Variants in HNRNPU observed in about 807,000 individuals in gnomAD.
HNRNPU encodes heterogeneous nuclear ribonucleoprotein U, also known as HNRNPU antisense RNA 1.
In HNRNPU, 5 loss-of-function variants were observed where a neutral mutation model predicts 94.7. The observed-to-expected ratio is 0.05, with a 90% confidence interval of 0.03 to 0.11. The LOEUF (loss-of-function observed/expected upper bound fraction) is 0.11. Among genes scored for constraint, HNRNPU ranks in the 10% least tolerant of loss-of-function variants. The pLI is 1.00. For synonymous variants in HNRNPU, 434 were observed against 381.6 expected (o/e 1.14, Z -1.60); for missense variants, 710 against 1,049.2 (o/e 0.68, Z 4.47).
At position 244,863,949 on chromosome 1, in the gene HNRNPU, G is replaced by A; in HGVS notation, c.359C>T (p.Pro120Leu). Residue 120 changes from proline (P) to leucine (L), a missense_variant, in exon 1 of 14, where the codon CCG becomes CTG. By Grantham distance (98) the Pro-to-Leu change is moderately conservative. Transcript: ENST00000640218. ...NGAAGAADSGPMEEEEAASED... is the reference protein window; with the variant it reads ...NGAAGAADSGLMEEEEAASED... ...CGAGGCGGCCTCCTCCTCCTCCATC[G>A]GGCCCGAGTCGGCCGCCCCCGCGGC... is the stretch of plus-strand genomic sequence containing the variant. The A allele has an allele frequency of 6.2e-7, 1 of 1,613,622 alleles. No individual in the cohort carries two copies. The highest frequency in any genetic ancestry group is 8.5e-7 in the Non-Finnish European group (1 of 1,179,884).
Position 244,863,814 on chromosome 1 carries a change from G to A in HNRNPU, c.494C>T (p.Pro165Leu). ...GGGCTGTTGCTGCTGCGTCGCCGGC[G>A]GTTGAGGCTGCTGCTCCCCGTGCCC... Reference protein sequence around the residue: ...ENGHGEQQPQPPATQQQQPQQ... With the variant: ...ENGHGEQQPQLPATQQQQPQQ... Residue 165 changes from proline (P) to leucine (L), a missense_variant, in exon 1 of 14, where the codon CCG (proline) becomes CTG (leucine). Pro to Leu is a moderately conservative substitution (Grantham distance 98). Transcript: ENST00000640218. 4 of 1,607,932 alleles carry A rather than the reference G, an allele frequency of 2.5e-6. No homozygotes were observed. The highest frequency in any genetic ancestry group is 2.2e-5 in the South Asian group (2 of 90,740).
rs1433035752 is a variant in HNRNPU, at chr1:244,855,511, A to G, written c.2265T>C (p.Arg755=). ...GSGGIGYPYP[R]APVFPGRGSY... Reference sequence around the variant, plus strand: ...TACCACGGCCAGGAAAAACAGGGGCACGAGGGTATGGATAGCCGATTCCAC... The same window carrying G: ...TACCACGGCCAGGAAAAACAGGGGCGCGAGGGTATGGATAGCCGATTCCAC... The change falls in exon 12 of 14, where the codon CGT becomes CGC. Residue 755 remains arginine (R), a synonymous_variant. Transcript: ENST00000640218. 6.2e-7 allele frequency: 1 copy of G among 1,614,074 alleles called. No individual in the cohort carries two copies. The highest frequency in any genetic ancestry group is 2.2e-5 in the East Asian group (1 of 44,876).
At chr1:244,857,385 T>TACAGGAACCCACTACCACACCC (rs1313992038) in intron 8 of HNRNPU, 28 of 465,090 alleles carry the variant, frequency 6.0e-5, no homozygotes, top group African/African-American at 4.7e-4. Context: ...CAGCTGGGAT[T>TACAGGAACCCACTACCACACCC]ACAGGAACCC....
chr1:244,860,024 G>A (rs1680784614), intron 4 of HNRNPU: 1 of 258,656 alleles, frequency 3.9e-6, no homozygotes, highest in Non-Finnish European at 7.2e-6. Flanking sequence ...AAAAAGGCTG[G>A]GCACAGTGGC....
Position 244,859,390 on chromosome 1 carries a change from T to C in HNRNPU, c.1018-16A>G, listed in dbSNP as rs765210695. 3 of 1,211,654 alleles carry C rather than the reference T, an allele frequency of 2.5e-6. No homozygotes were observed. The highest frequency in any genetic ancestry group is 3.4e-5 in the Admixed American group (2 of 59,194). 75.1% of individuals were successfully genotyped at this position (1,211,654 alleles called of 1,614,324 possible). The stretch of plus-strand genomic sequence containing the variant: ...TCTCTGTAACCTGAAAGTCAAATCA[T>C]TAAATAATTAAAATAATACACCAAG... On this transcript the variant is annotated splice_polypyrimidine_tract_variant and intron_variant, in intron 4 of 13. Coordinates refer to ENST00000640218, the MANE Select transcript of HNRNPU (RefSeq NM_031844.3).
intron 3 of HNRNPU, chr1:244,861,805 TCTCA>T (rs949637425): frequency 1.3e-5 from 2 of 151,538 alleles, no homozygotes; most frequent in Admixed American, 1.3e-4. Context: ...TGCAATACTT[TCTCA>T]CTCAATTGCA....
rs369125683 is a variant in HNRNPU, at chr1:244,857,653, T to C, written c.1559A>G (p.Glu520Gly). The C allele has an allele frequency of 2.5e-6, 4 of 1,613,518 alleles. No homozygotes were observed. Among genetic ancestry groups the C allele is most frequent in the Non-Finnish European group, 3.4e-6 (4 of 1,179,494 alleles). ...AAGAATGTTATATTTCCCTGGATTT[T>C]CTGCTGCATGTTTAGTAACCCAGGT... Reference protein sequence around the residue: ...KTTWVTKHAAENPGKYNILGT... With the variant: ...KTTWVTKHAAGNPGKYNILGT... Residue 520 changes from glutamate to glycine, a missense_variant, in exon 8 of 14, where the codon GAA becomes GGA. Physicochemically the swap from Glu to Gly is moderately conservative, Grantham distance 98 (BLOSUM62 -2). Around this residue, in one of 8 missense-constraint regions of HNRNPU, gnomAD observed 150 missense variants for 187.9 expected, o/e 0.80. Transcript: ENST00000640218.
rs1680929210 is a variant in HNRNPU at position 244,863,948 on chromosome 1, C to A, written c.360G>T (p.Pro120=). 3.1e-6 allele frequency: 5 copies of A among 1,613,584 alleles called. No individual in the cohort carries two copies. Among genetic ancestry groups the A allele is most frequent in the Non-Finnish European group, 4.2e-6 (5 of 1,179,922 alleles). ...NGAAGAADSG[P]MEEEEAASED... ...CCGAGGCGGCCTCCTCCTCCTCCAT[C>A]GGGCCCGAGTCGGCCGCCCCCGCGG... The change falls in exon 1 of 14, where the codon CCG becomes CCT. Residue 120 remains proline (P), a synonymous_variant. Coordinates refer to ENST00000640218, the MANE Select transcript of HNRNPU (RefSeq NM_031844.3).
Position 244,862,833 on chromosome 1 carries a change from C to T in HNRNPU, c.692-103G>A. Reference sequence around the variant, plus strand: ...AGCTCGACTTTATCCTGCTTTTTAACTGAGGTTTTAACCGAGGACTCAAAT... The same window carrying T: ...AGCTCGACTTTATCCTGCTTTTTAATTGAGGTTTTAACCGAGGACTCAAAT... On this transcript the variant is annotated intron_variant, in intron 1 of 13. Coordinates refer to ENST00000640218, the MANE Select transcript of HNRNPU (RefSeq NM_031844.3). 4 of 806,458 alleles carry T rather than the reference C, an allele frequency of 5.0e-6. No homozygotes were observed. The South Asian group carries it at 5.7e-5, about 12-fold the overall frequency. 50.0% of individuals were successfully genotyped at this position (806,458 alleles called of 1,614,324 possible). A position where few individuals can be genotyped will look rare whatever the true frequency, so the allele number is the denominator to read the frequency against.
chr1:244,859,747 G>C (rs1416301849), intron 4 of HNRNPU: 4 of 161,804 alleles, frequency 2.5e-5, no homozygotes, highest in African/African-American at 9.6e-5. Context: ...TAAAAATGAA[G>C]TACCCTAAAT....
Position 244,853,601 on chromosome 1 carries a change from T to A in HNRNPU, c.*849A>T, listed in dbSNP as rs1680602986. On this transcript the variant is annotated 3_prime_UTR_variant, in exon 14 of 14. Coordinates refer to ENST00000640218, the MANE Select transcript of HNRNPU (RefSeq NM_031844.3). ...AGCACACTAGTTATACAGTATTTTG[T>A]GGGAGAAGGGCATACAGACATGGCT... 2 of 152,572 alleles carry A rather than the reference T, an allele frequency of 1.3e-5. No homozygotes were observed. The highest frequency in any genetic ancestry group is 4.1e-4 in the South Asian group (2 of 4,832). 9.5% of individuals were successfully genotyped at this position (152,572 alleles called of 1,614,324 possible).
At chr1:244,856,421 A>G (rs757978913) in intron 10 of HNRNPU, 36 bp downstream of exon 10, 3 of 1,570,376 alleles carry the variant, frequency 1.9e-6, no homozygotes, top group Non-Finnish European at 1.7e-6. Context: ...TTTTAAAAAG[A>G]AGATTTCACA....
chr1:244,860,525 TCTG>T, intron 3 of HNRNPU, 51 bp from the exon 4 acceptor site: 1 of 1,460,102 alleles, frequency 6.8e-7, no homozygotes, highest in Non-Finnish European at 9.5e-7. Context: ...TGTAAACATA[TCTG>T]CTATGTAGAC....
Position 244,864,402 on chromosome 1 carries a change from G to A in HNRNPU, c.-95C>T, listed in dbSNP as rs1002314193. 3.2e-6 allele frequency: 5 copies of A among 1,571,496 alleles called. No individual in the cohort carries two copies. In the African/African-American group the frequency reaches 6.9e-5, roughly 22 times the overall value. On this transcript the variant is annotated 5_prime_UTR_variant, in exon 1 of 14. Coordinates refer to ENST00000640218, the MANE Select transcript of HNRNPU (RefSeq NM_031844.3). ...GCTGCTGCGGCTGCTCCTCGGCCCGGGCGGCGGCTGCGGCTGCGGCTGGAG... is the reference window on the plus strand; with the variant it reads ...GCTGCTGCGGCTGCTCCTCGGCCCGAGCGGCGGCTGCGGCTGCGGCTGGAG...
rs1680550424 is a variant in HNRNPU, at chr1:244,851,602, G to A, written c.*2848C>T. ...TAAAATACCTTGTTGCTAGTGCTCA[G>A]AACATCTAGGTTCAGTCTTTATTTT... On this transcript the variant is annotated 3_prime_UTR_variant, in exon 14 of 14. Transcript: ENST00000640218. The A allele has an allele frequency of 2.6e-5, 4 of 152,146 alleles. No homozygotes were observed. In the South Asian group the frequency reaches 8.3e-4, roughly 31 times the overall value. The allele number at this position is 152,146 out of a possible 1,614,324, so 9.4% of individuals were successfully genotyped here. A position where few individuals can be genotyped will look rare whatever the true frequency, so the allele number is the denominator to read the frequency against.
intron 3 of HNRNPU, chr1:244,861,353 A>C (rs1267213833): frequency 2.0e-5 from 3 of 152,228 alleles, no homozygotes; most frequent in Non-Finnish European, 4.4e-5. Flanking sequence ...AAAATCTAAC[A>C]ATTACATTAC....
intron 6 of HNRNPU, 92 bp downstream of exon 6, chr1:244,858,637 A>G (rs1680743201): frequency 5.6e-6 from 4 of 713,654 alleles, no homozygotes; most frequent in Admixed American, 2.7e-5. Flanking sequence ...TGTTGCTCAT[A>G]TTGAAAACTG....
chr1:244,856,805 A>G lies in HNRNPU; in HGVS notation c.1666T>C (p.Leu556=). The G allele has an allele frequency of 6.2e-7, 1 of 1,611,174 alleles. No individual in the cohort carries two copies. ...MADTGKLNTL[L]QRAPQCLGKF... ...CCAAGACACTGGGGGGCTCTCTGCA[A>G]CAGTGTGTTCAGTTTTCCAGTATCT... Residue 556 remains leucine (L), a synonymous_variant, in exon 9 of 14, where the codon TTG becomes CTG. Coordinates refer to ENST00000640218, the MANE Select transcript of HNRNPU (RefSeq NM_031844.3).
chr1:244,852,135 T>C lies in HNRNPU; in HGVS notation c.*2315A>G, dbSNP rs981720426. The C allele has an allele frequency of 6.6e-6, 1 of 152,206 alleles. No homozygotes were observed. Among genetic ancestry groups the C allele is most frequent in the African/African-American group, 2.4e-5 (1 of 41,460 alleles). 9.4% of individuals were successfully genotyped at this position (152,206 alleles called of 1,614,324 possible). On this transcript the variant is annotated 3_prime_UTR_variant, in exon 14 of 14. Transcript: ENST00000640218. ...AGCAATAAATCAGGTTTCTCGTTCG[T>C]ATCTTACTTCTTACCTAATTTTCTC...
Sources: allele counts gnomAD v4.1 joint callset, GRCh38; gene constraint gnomAD v4.1.1; regional missense constraint gnomAD v4.1.1; transcripts MANE v1.5; gene names NCBI Gene and HGNC (gene_info 2026-07-23, HGNC 2026-07-21).